The following BPIFA2 variants were observed in gnomAD, a reference collection of about 807,000 sequenced individuals.
BPIFA2 encodes the protein BPI fold containing family A member 2, also known as BPI fold-containing family A member 2.
BPIFA2 carries 20 observed loss-of-function variants against 25.7 expected under a neutral mutation model. The ratio of observed to expected loss-of-function variants is 0.78; its 90% CI spans 0.55 to 1.13. The LOEUF is 1.13. Among genes scored for constraint, BPIFA2 ranks in the 50% most tolerant of loss-of-function variants. BPIFA2 has a pLI of 0.00. For missense variants in BPIFA2, 300 were observed against 298.1 expected (o/e 1.01, Z -0.05); for synonymous variants, 126 against 124.3 (o/e 1.01, Z -0.09).
intron 2 of BPIFA2, among the ~76,000 whole-genome samples, chr20:33,171,478 A>C (rs1983895208): frequency 6.6e-6 from 1 of 152,330 alleles, no homozygotes; most frequent in Non-Finnish European, 1.5e-5. Context: ...TCATTTTTGC[A>C]ATCTATCTAT....
At position 33,177,354 on chromosome 20, in the gene BPIFA2, C is replaced by CAAA. The variant is rs57465925; in HGVS notation, c.564-779_564-777dup. Among the ~76,000 whole-genome samples the CAAA allele has an allele frequency of 8.2e-3, 988 of 120,842 alleles. 15 individuals carry two copies. Among genetic ancestry groups the CAAA allele is most frequent in the African/African-American group, 0.025 (928 of 36,808 alleles). 79.3% of individuals were successfully genotyped at this position (120,842 alleles called of 152,430 possible). On this transcript the variant is annotated intron_variant, in intron 5 of 8. Transcript: ENST00000354932. ...TGGGTGACAGAGCAAGACATTGTCTCAAAAAAAAAAAAAAAAGTGTATTGA... is the reference window on the plus strand; with the variant it reads ...TGGGTGACAGAGCAAGACATTGTCTCAAAAAAAAAAAAAAAAAAAGTGTATTGA...
chr20:33,180,955 C>T (rs1984261309), intron 8 of BPIFA2, among the ~76,000 whole-genome samples: 1 of 152,164 alleles, frequency 6.6e-6, no homozygotes, highest in African/African-American at 2.4e-5. Context: ...CCAGTAGTGG[C>T]CTCAATCAAT....
At chr20:33,164,970 A>C (rs17124254), upstream of BPIFA2, among the ~76,000 whole-genome samples, 4,560 of 152,352 alleles carry the variant, frequency 0.03, 201 homozygotes, top group African/African-American at 0.1. Flanking sequence ...GTGGCTCTCC[A>C]TATTCTAAAG....
chr20:33,178,063 T>G, intron 5 of BPIFA2, 84 bp from the exon 6 acceptor site: 1 of 972,456 alleles, frequency 1.0e-6, no homozygotes, highest in Non-Finnish European at 1.6e-6. Flanking sequence ...TCCACAGTAT[T>G]TCCCGCACCG....
chr20:33,179,644 T>C lies in BPIFA2; in HGVS notation c.686T>C (p.Val229Ala). The C allele has an allele frequency of 6.2e-7, 1 of 1,612,902 alleles. No individual in the cohort carries two copies. The highest frequency in any genetic ancestry group is 2.2e-5 in the East Asian group (1 of 44,840). Residue 229 changes from valine (V) to alanine (A), a missense_variant, in exon 7 of 9, where the codon GTG becomes GCG. Val to Ala is a moderately conservative substitution (Grantham distance 64). Coordinates refer to ENST00000354932, the MANE Select transcript of BPIFA2 (RefSeq NM_080574.4). ...LIRIFIHSLD[V>A]NVIQQVVDNP... Reference sequence around the variant, plus strand: ...CGCATCTTCATCCACTCCCTGGATGTGAATGTCATTCAGCAGGTCGTCGGT... The same window carrying C: ...CGCATCTTCATCCACTCCCTGGATGCGAATGTCATTCAGCAGGTCGTCGGT...
intron 6 of BPIFA2, 52 bp from the exon 7 acceptor site, chr20:33,179,552 C>A: frequency 6.9e-7 from 1 of 1,457,562 alleles, no homozygotes; most frequent in Admixed American, 1.7e-5. Flanking sequence ...GAAGAATGAT[C>A]TGTTCTTCCT....
chr20:33,165,186 C>T (rs12106266), upstream of BPIFA2, among the ~76,000 whole-genome samples: 4,343 of 152,290 alleles, frequency 0.029, 185 homozygotes, highest in African/African-American at 0.096. Context: ...AGGACAGTAA[C>T]GTGTGAACAG....
At chr20:33,163,771 G>A (rs188017950), upstream of BPIFA2, among the ~76,000 whole-genome samples, 303 of 150,670 alleles carry the variant, frequency 2.0e-3, no homozygotes, top group Non-Finnish European at 3.6e-3. Flanking sequence ...GCGGTGAGCC[G>A]AGATGGACTT....
intron 5 of BPIFA2, among the ~76,000 whole-genome samples, chr20:33,176,655 G>A (rs932737699): frequency 2.0e-5 from 3 of 152,162 alleles, no homozygotes; most frequent in Non-Finnish European, 2.9e-5. Context: ...CTGTGAGATG[G>A]CACCACTCTG....
In BPIFA2 at chr20:33,169,139, A is replaced by G. The variant is rs1254415152; in HGVS notation, c.-7A>G. The stretch of plus-strand genomic sequence containing the variant: ...TTCCCATGACTGTCCAGGTGTCAAG[A>G]CAAAAGATGCTTCAGCTTTGGAAAC... On this transcript the variant is annotated 5_prime_UTR_variant, in exon 2 of 9. Transcript: ENST00000354932. 2 of 1,613,804 alleles carry G rather than the reference A, an allele frequency of 1.2e-6. No homozygotes were observed. The highest frequency in any genetic ancestry group is 1.7e-5 in the Admixed American group (1 of 60,022).
rs1031046053 is a variant in BPIFA2 at position 33,175,424 on chromosome 20, T to C, written c.428T>C (p.Ile143Thr). Residue 143 changes from isoleucine (I) to threonine (T), a missense_variant, in exon 5 of 9, where the codon ATT (isoleucine) becomes ACT (threonine). Physicochemically the swap from Ile to Thr is moderately conservative, Grantham distance 89 (BLOSUM62 -1). Transcript: ENST00000354932. ...VTVAGPIIGQ[I>T]INLKASLDLL... ...TCCTGCAGGCCCATCATTGGCCAGA[T>C]TATCAACCTGAAAGCCTCCTTGGAC... The C allele has an allele frequency of 6.2e-7, 1 of 1,613,880 alleles. No individual in the cohort carries two copies. The highest frequency in any genetic ancestry group is 1.1e-5 in the South Asian group (1 of 91,020).
chr20:33,177,087 C>T (rs1178278340), intron 5 of BPIFA2, among the ~76,000 whole-genome samples: 1 of 152,144 alleles, frequency 6.6e-6, no homozygotes, highest in Admixed American at 6.5e-5. Context: ...GGCACGATGG[C>T]TCCACACCGG....
In BPIFA2 at chr20:33,172,991, C is replaced by G. The variant is rs149868100; in HGVS notation, c.217C>G (p.Leu73Val). The change falls in exon 3 of 9, where the codon CTG becomes GTG. Residue 73 changes from leucine (L) to valine (V), a missense_variant. Coordinates refer to ENST00000354932, the MANE Select transcript of BPIFA2 (RefSeq NM_080574.4). ...GCTTCAGAAATCCAGTGCTTGGCAA[C>G]TGGCCAAGCAGAAGGCCCAGGAAGC... ...GVLQKSSAWQ[L>V]AKQKAQEAEK... 5.6e-5 allele frequency: 90 copies of G among 1,613,862 alleles called. No homozygotes were observed. Among genetic ancestry groups the G allele is most frequent in the Non-Finnish European group, 7.1e-5 (84 of 1,179,914 alleles).
chr20:33,163,290 T>G (rs920446681), upstream of BPIFA2, among the ~76,000 whole-genome samples: 1 of 152,188 alleles, frequency 6.6e-6, no homozygotes, highest in African/African-American at 2.4e-5. Context: ...TTTATTGGGA[T>G]CCACCAAAAG....
chr20:33,180,741 C>T, intron 8 of BPIFA2, 144 bp downstream of exon 8: 1 of 650,098 alleles, frequency 1.5e-6, no homozygotes. Flanking sequence ...CAGGCTAGGC[C>T]CTGATTCTGG....
In BPIFA2 at chr20:33,168,195, T is replaced by C. The variant is rs1983782088; in HGVS notation, c.-30T>C. On this transcript the variant is annotated 5_prime_UTR_variant, in exon 1 of 9. Transcript: ENST00000354932. ...CAGTGGGGCAAGGATTTCATGAGCA[T>C]CCTCCTCTAAACGCGTGAGTGGCGT... 1 of 152,344 alleles carries C rather than the reference T, an allele frequency of 6.6e-6. No homozygotes were observed. Among genetic ancestry groups the C allele is most frequent in the Admixed American group, 6.5e-5 (1 of 15,300 alleles). The allele number at this position is 152,344 out of a possible 1,614,324, so 9.4% of individuals were successfully genotyped here. A position where few individuals can be genotyped will look rare whatever the true frequency, so the allele number is the denominator to read the frequency against.
Position 33,179,640 on chromosome 20 carries a change from G to C in BPIFA2, c.682G>C (p.Asp228His), listed in dbSNP as rs766307086. The C allele has an allele frequency of 1.2e-6, 2 of 1,612,970 alleles. No homozygotes were observed. The highest frequency in any genetic ancestry group is 2.2e-5 in the South Asian group (2 of 91,052). ...PLIRIFIHSL[D>H]VNVIQQVVDN... Reference sequence around the variant, plus strand: ...GATCCGCATCTTCATCCACTCCCTGGATGTGAATGTCATTCAGCAGGTCGT... The same window carrying C: ...GATCCGCATCTTCATCCACTCCCTGCATGTGAATGTCATTCAGCAGGTCGT... The change falls in exon 7 of 9, where the codon GAT becomes CAT. Residue 228 changes from aspartate to histidine, a missense_variant. Asp to His is a moderately conservative substitution (Grantham distance 81, BLOSUM62 -1). Coordinates refer to ENST00000354932, the MANE Select transcript of BPIFA2 (RefSeq NM_080574.4).
In BPIFA2 at chr20:33,180,512, T is replaced by C; in HGVS notation, c.710-8T>C. ...GACTAAGGCCTGCTATTGATTTTGT[T>C]TCTTCAGATAATCCTCAGCACAAAA... On this transcript the variant is annotated splice_polypyrimidine_tract_variant and splice_region_variant and intron_variant, in intron 7 of 8. Coordinates refer to ENST00000354932, the MANE Select transcript of BPIFA2 (RefSeq NM_080574.4). 1 of 1,612,324 alleles carries C rather than the reference T, an allele frequency of 6.2e-7. No individual in the cohort carries two copies. Among genetic ancestry groups the C allele is most frequent in the Non-Finnish European group, 8.5e-7 (1 of 1,178,320 alleles).
chr20:33,172,466 G>A (rs1017065629), intron 2 of BPIFA2, among the ~76,000 whole-genome samples: 2 of 151,920 alleles, frequency 1.3e-5, no homozygotes, highest in Non-Finnish European at 2.9e-5. Flanking sequence ...TGGGACTCTC[G>A]TTTTCCAGTT....
Sources: allele counts gnomAD v4.1 joint callset (sites outside exome capture counted in the v4.1 genomes callset), GRCh38; gene constraint gnomAD v4.1.1; transcripts MANE v1.5; gene names NCBI Gene and HGNC (gene_info 2026-07-23, HGNC 2026-07-21).